Variants in WWOX observed in about 807,000 individuals in gnomAD.
WWOX encodes the protein WW domain containing oxidoreductase.
WWOX carries 69 observed loss-of-function variants against 46.2 expected under a neutral mutation model. The ratio of observed to expected loss-of-function variants is 1.49; its 90% confidence interval spans 1.23 to 1.82. The LOEUF is 1.82. WWOX is among the 40% of genes most tolerant of loss of function. The pLI, the probability that WWOX is intolerant of heterozygous loss-of-function variation, is 0.00. For synonymous variants in WWOX, 359 were observed against 202.6 expected, an observed-to-expected ratio of 1.77 and a Z score of -6.56; for missense variants, 919 against 542.6, an observed-to-expected ratio of 1.69 and a Z score of -6.89.
chr16:78,124,756 G>A (rs2033285158), intron 4 of WWOX, among the ~76,000 whole-genome samples: 1 of 152,170 alleles, frequency 6.6e-6, no homozygotes, highest in South Asian at 2.1e-4. Flanking sequence ...TGCTCACCAG[G>A]CTGTGCTTGA....
chr16:78,804,672 T>C (rs1357123007), intron 8 of WWOX, among the ~76,000 whole-genome samples: 2 of 152,224 alleles, frequency 1.3e-5, no homozygotes, highest in African/African-American at 4.8e-5. Context: ...AATTTAACTA[T>C]CACTTTCAAA....
intron 5 of WWOX, among the ~76,000 whole-genome samples, chr16:78,369,066 T>A (rs2081604545): frequency 6.6e-6 from 1 of 152,180 alleles, no homozygotes; most frequent in African/African-American, 2.4e-5. Context: ...TTTCCCTTTT[T>A]TTTTTAACTA....
At chr16:78,682,802 G>A (rs1399858980) in intron 8 of WWOX, among the ~76,000 whole-genome samples, 1 of 152,184 alleles carries the variant, frequency 6.6e-6, no homozygotes, top group Admixed American at 6.5e-5. Context: ...CCATTCATTT[G>A]TCCACAGCAT....
chr16:79,096,468 G>T (rs1336849909), intron 8 of WWOX, among the ~76,000 whole-genome samples: 1 of 152,006 alleles, frequency 6.6e-6, no homozygotes, highest in African/African-American at 2.4e-5. Flanking sequence ...TGAGACCCAT[G>T]CCCCTCCTGG....
chr16:78,319,968 A>G (rs185705158), intron 5 of WWOX, among the ~76,000 whole-genome samples: 1 of 152,316 alleles, frequency 6.6e-6, no homozygotes, highest in East Asian at 1.9e-4. Flanking sequence ...TCCCAATCAG[A>G]ATTCCCTCCT....
At chr16:78,858,523 A>G (rs2151188340) in intron 8 of WWOX, among the ~76,000 whole-genome samples, 1 of 152,292 alleles carries the variant, frequency 6.6e-6, no homozygotes, top group South Asian at 2.1e-4. Context: ...TTTTCATAAA[A>G]TGATTTGGGG....
intron 5 of WWOX, among the ~76,000 whole-genome samples, chr16:78,342,411 C>T (rs571600346): frequency 1.6e-5 from 2 of 121,258 alleles, no homozygotes; most frequent in South Asian, 4.9e-4. Context: ...AACAAATAGC[C>T]TCCAAAGTCA....
chr16:79,126,782 A>G (rs1041385195), intron 8 of WWOX, among the ~76,000 whole-genome samples: 1 of 152,122 alleles, frequency 6.6e-6, no homozygotes, highest in Non-Finnish European at 1.5e-5. Context: ...GCCTACATAA[A>G]TTTAGACTCC....
chr16:78,935,443 A>G (rs1350695985), intron 8 of WWOX, among the ~76,000 whole-genome samples: 2 of 152,174 alleles, frequency 1.3e-5, no homozygotes, highest in Non-Finnish European at 2.9e-5. Context: ...GGATGAGTTC[A>G]TGTCTCTTGT....
intron 8 of WWOX, among the ~76,000 whole-genome samples, chr16:79,010,015 A>T (rs184103433): frequency 6.6e-6 from 1 of 152,194 alleles, no homozygotes; most frequent in Non-Finnish European, 1.5e-5. Context: ...GAAAGGAAGA[A>T]TAATGGGTCT....
intron 8 of WWOX, among the ~76,000 whole-genome samples, chr16:78,620,659 G>T (rs1466993307): frequency 6.6e-6 from 1 of 151,728 alleles, no homozygotes; most frequent in South Asian, 2.1e-4. Flanking sequence ...TGATGCACTT[G>T]TACTGCACAA....
chr16:78,933,878 G>A (rs1030571836), intron 8 of WWOX, among the ~76,000 whole-genome samples: 3 of 151,684 alleles, frequency 2.0e-5, no homozygotes, highest in African/African-American at 7.3e-5. Flanking sequence ...TTTGGGTGGG[G>A]ACACAGCTAA....
At chr16:78,576,133 C>G (rs530954127) in intron 8 of WWOX, among the ~76,000 whole-genome samples, 104 of 152,090 alleles carry the variant, frequency 6.8e-4, no homozygotes, top group African/African-American at 2.4e-3. Context: ...TAGAATGACT[C>G]TCCTGTATGA....
chr16:78,550,852 T>C (rs903612905), intron 8 of WWOX: 8 of 152,156 alleles, frequency 5.3e-5, no homozygotes, highest in Non-Finnish European at 1.0e-4. Context: ...CCTAATTTTT[T>C]TTTTAAGGAT....
At chr16:78,846,954 G>A (rs1413683609) in intron 8 of WWOX, among the ~76,000 whole-genome samples, 2 of 152,162 alleles carry the variant, frequency 1.3e-5, no homozygotes, top group South Asian at 2.1e-4. Context: ...GTCATAATAC[G>A]ACAGTATTGT....
intron 8 of WWOX, among the ~76,000 whole-genome samples, chr16:78,886,245 T>C (rs2044455297): frequency 6.7e-6 from 1 of 150,346 alleles, no homozygotes; most frequent in African/African-American, 2.4e-5. Context: ...TTTTTTAAAG[T>C]ATACCCATAC....
At position 78,520,147 on chromosome 16, in the gene WWOX, C is replaced by G. The variant is rs550520852; in HGVS notation, c.1056+87395C>G. Among the ~76,000 whole-genome samples, 7 of 152,326 alleles carry G rather than the reference C, an allele frequency of 4.6e-5. No homozygotes were observed. In the South Asian group the frequency reaches 1.2e-3, roughly 27 times the overall value. On this transcript the variant is annotated intron_variant, in intron 8 of 8. Transcript: ENST00000566780. ...TGCAATAACATCCTTGTTCGCATGT[C>G]CAGTCTGAAGCTTTTATTCCTATGG...
At chr16:78,340,169 C>T (rs2080985331) in intron 5 of WWOX, among the ~76,000 whole-genome samples, 1 of 111,462 alleles carries the variant, frequency 9.0e-6, no homozygotes, top group African/African-American at 3.0e-5. Context: ...AAATTGTTTT[C>T]ATTTCTTTTG....
At chr16:78,182,964 A>G (rs978901325) in intron 5 of WWOX, among the ~76,000 whole-genome samples, 4 of 145,780 alleles carry the variant, frequency 2.7e-5, no homozygotes, top group Non-Finnish European at 6.0e-5. Context: ...AAAAAAAAAA[A>G]AAAGAAAGAA....
Sources: allele counts gnomAD v4.1 joint callset (sites outside exome capture counted in the v4.1 genomes callset), GRCh38; gene constraint gnomAD v4.1.1; transcripts MANE v1.5; gene names NCBI Gene and HGNC (gene_info 2026-07-23, HGNC 2026-07-21).